Variants in TASP1 observed in about 807,000 individuals in gnomAD.
The protein encoded by TASP1 is threonine aspartase 1.
In TASP1, 16 loss-of-function variants were observed where a neutral mutation model predicts 56.6. The observed-to-expected ratio is 0.28, with a 90% CI of 0.19 to 0.43. TASP1 has a LOEUF of 0.43. Among genes scored for constraint, TASP1 ranks in the 20% least tolerant of loss-of-function variants. The pLI is 1.00. For synonymous variants in TASP1, 179 were observed against 184.2 expected (o/e 0.97, Z 0.23); for missense variants, 393 against 511.6 (o/e 0.77, Z 2.24).
intron 1 of TASP1, among the ~76,000 whole-genome samples, chr20:13,638,552 A>T (rs989983553): frequency 6.6e-6 from 1 of 152,150 alleles, no homozygotes; most frequent in African/African-American, 2.4e-5. Flanking sequence ...GCTGTCTGCG[A>T]ACCTCGGACT....
the TASP1 span, among the ~76,000 whole-genome samples, chr20:13,331,962 T>C: frequency 3.9e-5 from 6 of 152,264 alleles, no homozygotes; most frequent in South Asian, 1.2e-3. Flanking sequence ...ACCCATTTAA[T>C]ATAATGATGC....
At chr20:13,500,566 AC>A (rs2043909611) in intron 10 of TASP1, among the ~76,000 whole-genome samples, 1 of 151,950 alleles carries the variant, frequency 6.6e-6, no homozygotes, top group South Asian at 2.1e-4. Context: ...GGAAACTCCA[AC>A]ATAGAAAACC....
chr20:13,486,425 A>C (rs1198669833), intron 10 of TASP1, among the ~76,000 whole-genome samples: 1 of 152,190 alleles, frequency 6.6e-6, no homozygotes, highest in East Asian at 1.9e-4. Context: ...AATGGATTAA[A>C]ACACATAATA....
At chr20:13,306,707 A>T in the TASP1 span, among the ~76,000 whole-genome samples, 1 of 152,078 alleles carries the variant, frequency 6.6e-6, no homozygotes, top group Non-Finnish European at 1.5e-5. Context: ...GACAAGAGAG[A>T]CTCATACCAC....
At chr20:13,523,798 T>G (rs2044862823) in intron 10 of TASP1, among the ~76,000 whole-genome samples, 1 of 152,042 alleles carries the variant, frequency 6.6e-6, no homozygotes, top group South Asian at 2.1e-4. Context: ...AACAAGGTAG[T>G]AGGTCTTTCT....
At chr20:13,433,081 C>T (rs894473241) in intron 12 of TASP1, among the ~76,000 whole-genome samples, 1 of 151,980 alleles carries the variant, frequency 6.6e-6, no homozygotes, top group Non-Finnish European at 1.5e-5. Context: ...CACCCATCAA[C>T]CTGTCATCTA....
the TASP1 span, among the ~76,000 whole-genome samples, chr20:13,110,378 G>A: frequency 1.9e-3 from 287 of 152,264 alleles, 4 homozygotes; most frequent in South Asian, 0.018. Context: ...GTCAGACGTG[G>A]GTTATCTGTC....
downstream of TASP1, among the ~76,000 whole-genome samples, chr20:13,387,472 A>G (rs2041172646): frequency 6.6e-6 from 1 of 152,152 alleles, no homozygotes; most frequent in African/African-American, 2.4e-5. Flanking sequence ...TACAGGTGTG[A>G]GCCAATGTGC....
intron 11 of TASP1, among the ~76,000 whole-genome samples, chr20:13,482,722 T>A (rs2043183575): frequency 6.6e-6 from 1 of 152,168 alleles, no homozygotes; most frequent in South Asian, 2.1e-4. Context: ...ATTACGTAAA[T>A]CACATATGCT....
chr20:13,543,251 C>A (rs185087847), intron 8 of TASP1, among the ~76,000 whole-genome samples: 1 of 152,118 alleles, frequency 6.6e-6, no homozygotes, highest in Non-Finnish European at 1.5e-5. Flanking sequence ...CCACCCACAC[C>A]ACACATTAAA....
At chr20:13,409,435 G>A (rs898890301) in intron 13 of TASP1, among the ~76,000 whole-genome samples, 5 of 151,884 alleles carry the variant, frequency 3.3e-5, no homozygotes, top group Non-Finnish European at 7.4e-5. Context: ...ACATTTAGAC[G>A]TTTTATACCT....
chr20:13,429,744 A>C (rs887689222), intron 12 of TASP1, among the ~76,000 whole-genome samples: 1 of 152,204 alleles, frequency 6.6e-6, no homozygotes, highest in Non-Finnish European at 1.5e-5. Context: ...TTTAGTATAC[A>C]TAAGAAGATT....
the TASP1 span, among the ~76,000 whole-genome samples, chr20:13,269,126 G>A: frequency 6.6e-6 from 1 of 152,110 alleles, no homozygotes; most frequent in African/African-American, 2.4e-5. Flanking sequence ...ACAGTGTGCT[G>A]AAATATACAC....
chr20:13,291,764 G>T, the TASP1 span, among the ~76,000 whole-genome samples: 1 of 152,204 alleles, frequency 6.6e-6, no homozygotes, highest in Admixed American at 6.5e-5. Context: ...GCTATGCATT[G>T]TAGCATCCTC....
At chr20:13,328,318 T>C in the TASP1 span, among the ~76,000 whole-genome samples, 1 of 152,090 alleles carries the variant, frequency 6.6e-6, no homozygotes, top group Admixed American at 6.6e-5. Flanking sequence ...TGGATGCTGG[T>C]GAGGTTGCAG....
At chr20:13,385,525 T>C (rs1161747779), downstream of TASP1, among the ~76,000 whole-genome samples, 2 of 152,160 alleles carry the variant, frequency 1.3e-5, no homozygotes, top group African/African-American at 4.8e-5. Flanking sequence ...AGCAGACTGG[T>C]GAGTCCACCC....
At position 13,511,679 on chromosome 20, in the gene TASP1, C is replaced by T. The variant is rs139858472; in HGVS notation, c.874+16754G>A. Reference sequence around the variant, plus strand: ...GGTTTGTTACATCTGTATACATGTGCCATGTTGGTGTGCTGCACCCCACCC... The same window carrying T: ...GGTTTGTTACATCTGTATACATGTGTCATGTTGGTGTGCTGCACCCCACCC... On this transcript the variant is annotated intron_variant, in intron 10 of 13. Transcript: ENST00000337743. Among the ~76,000 whole-genome samples the T allele has an allele frequency of 2.9e-3, 438 of 151,950 alleles. 2 individuals carry two copies. The highest frequency in any genetic ancestry group is 0.027 in the Middle Eastern group (8 of 294).
the TASP1 span, among the ~76,000 whole-genome samples, chr20:13,313,907 G>T: frequency 6.6e-6 from 1 of 152,096 alleles, no homozygotes; most frequent in South Asian, 2.1e-4. Context: ...AAATAAACTG[G>T]CAATGTAAGC....
chr20:13,119,019 A>G, the TASP1 span, among the ~76,000 whole-genome samples: 4 of 152,302 alleles, frequency 2.6e-5, no homozygotes, highest in East Asian at 3.9e-4. Flanking sequence ...TGCTAAAACC[A>G]TTGGGAAAGC....
Sources: allele counts gnomAD v4.1 joint callset (sites outside exome capture counted in the v4.1 genomes callset), GRCh38; gene constraint gnomAD v4.1.1; transcripts MANE v1.5; gene names NCBI Gene and HGNC (gene_info 2026-07-23, HGNC 2026-07-21).